The following LRRN1 variants were observed in gnomAD, a reference collection of about 807,000 sequenced individuals.
LRRN1 encodes leucine rich repeat neuronal 1.
LRRN1 carries 14 observed loss-of-function variants against 45.8 expected under a neutral mutation model. The observed-to-expected ratio is 0.31, with a 90% CI of 0.20 to 0.48. The LOEUF (loss-of-function observed/expected upper bound fraction) is 0.48, where lower values mean the gene tolerates loss of function less well. Ranked by LOEUF, LRRN1 falls within the 20% of genes least tolerant of loss-of-function variation. The pLI is 0.99. For synonymous variants in LRRN1, 359 were observed against 330.1 expected, an observed-to-expected ratio of 1.09 and a Z score of -0.95; for missense variants, 789 against 874.2, an observed-to-expected ratio of 0.90 and a Z score of 1.23.
chr3:3,814,353 C>T (rs925345938), intron 1 of LRRN1, among the ~76,000 whole-genome samples: 7 of 151,680 alleles, frequency 4.6e-5, no homozygotes, highest in African/African-American at 1.7e-4. Context: ...GTACCCCTTT[C>T]CACTTTGCTG....
At position 3,845,318 on chromosome 3, in the gene LRRN1, A is replaced by T. The variant is rs768614918; in HGVS notation, c.677A>T (p.Tyr226Phe). 5 of 1,614,128 alleles carry T rather than the reference A, an allele frequency of 3.1e-6. No individual in the cohort carries two copies. In the South Asian group the frequency reaches 4.4e-5, roughly 14 times the overall value. Reference sequence around the variant, plus strand: ...AGAAGCTTAGTTTTGGCAGGAATGTATCTCACTGATATTCCTGGAAATGCT... The same window carrying T: ...AGAAGCTTAGTTTTGGCAGGAATGTTTCTCACTGATATTCCTGGAAATGCT... ...NLRSLVLAGM[Y>F]LTDIPGNALV... The change falls in exon 2 of 2, where the codon TAT becomes TTT. Residue 226 changes from tyrosine (Y) to phenylalanine (F), a missense_variant. Coordinates refer to ENST00000319331, the MANE Select transcript of LRRN1 (RefSeq NM_020873.7). The surrounding 1 kb of genome is among the most constrained non-coding windows in gnomAD (Gnocchi z 6.5).
At chr3:3,829,196 C>T (rs115616681) in intron 1 of LRRN1, among the ~76,000 whole-genome samples, 2,232 of 152,122 alleles carry the variant, frequency 0.015, 54 homozygotes, top group African/African-American at 0.05. Context: ...TAGACTGATT[C>T]CATTTTGATA....
intron 1 of LRRN1, chr3:3,801,272 A>G (rs1692647085): frequency 6.6e-6 from 1 of 152,218 alleles, no homozygotes; most frequent in African/African-American, 2.4e-5. Context: ...CCCAAACCTA[A>G]ATCGTAAAGG....
intron 1 of LRRN1, among the ~76,000 whole-genome samples, chr3:3,837,823 C>G (rs1693556659): frequency 6.6e-6 from 1 of 151,834 alleles, no homozygotes; most frequent in African/African-American, 2.4e-5. Context: ...CACCTATCAA[C>G]CCATCACCTA....
intron 1 of LRRN1, among the ~76,000 whole-genome samples, chr3:3,807,095 C>G (rs1326636244): frequency 6.6e-6 from 1 of 152,170 alleles, no homozygotes; most frequent in African/African-American, 2.4e-5. Flanking sequence ...CAAGGACCTA[C>G]GATGCATCGG....
chr3:3,829,950 G>T (rs1185486595), intron 1 of LRRN1, among the ~76,000 whole-genome samples: 1 of 152,178 alleles, frequency 6.6e-6, no homozygotes, highest in Admixed American at 6.5e-5. Context: ...GCTTTATCGA[G>T]GGCTCAGTGT....
At chr3:3,809,983 T>C (rs891045663) in intron 1 of LRRN1, among the ~76,000 whole-genome samples, 2 of 152,200 alleles carry the variant, frequency 1.3e-5, no homozygotes, top group African/African-American at 4.8e-5. Context: ...ACTAGATATT[T>C]TATGAAGTCC....
At chr3:3,835,661 C>T (rs1300396584) in intron 1 of LRRN1, among the ~76,000 whole-genome samples, 2 of 150,134 alleles carry the variant, frequency 1.3e-5, no homozygotes, top group African/African-American at 4.9e-5. Context: ...TTCTTTTTGC[C>T]CAACTTCATA....
chr3:3,836,830 C>T (rs182165248), intron 1 of LRRN1, among the ~76,000 whole-genome samples: 41 of 152,168 alleles, frequency 2.7e-4, no homozygotes, highest in East Asian at 1.9e-4. Flanking sequence ...TTGCTGGTAC[C>T]ACATAAGAAG....
intron 1 of LRRN1, among the ~76,000 whole-genome samples, chr3:3,813,171 C>T (rs1410686980): frequency 6.6e-6 from 1 of 152,214 alleles, no homozygotes; most frequent in African/African-American, 2.4e-5. Flanking sequence ...CTGCTGTTCG[C>T]ATGAACAGAG....
In LRRN1 at chr3:3,847,745, A is replaced by G. The variant is rs897219412; in HGVS notation, c.*953A>G. 1 of 166,630 alleles carries G rather than the reference A, an allele frequency of 6.0e-6. No individual in the cohort carries two copies. The highest frequency in any genetic ancestry group is 1.5e-5 in the Non-Finnish European group (1 of 68,100). The allele number at this position is 166,630 out of a possible 1,614,324, so 10.3% of individuals were successfully genotyped here. On this transcript the variant is annotated 3_prime_UTR_variant, in exon 2 of 2. Transcript: ENST00000319331. ...TTGCTTTTTAAAGCTAGGCCCTAAA[A>G]GGTTTTAATTCTTTTTCTAAGGGAA...
intron 1 of LRRN1, among the ~76,000 whole-genome samples, chr3:3,807,580 G>T (rs1247509780): frequency 6.6e-6 from 1 of 152,074 alleles, no homozygotes; most frequent in Non-Finnish European, 1.5e-5. Flanking sequence ...CTTATTTCTG[G>T]TTTCTCTGGG....
intron 1 of LRRN1, among the ~76,000 whole-genome samples, chr3:3,811,627 A>G (rs1391312146): frequency 6.6e-6 from 1 of 152,256 alleles, no homozygotes; most frequent in Non-Finnish European, 1.5e-5. Flanking sequence ...TTACTGCTTT[A>G]GAGAGCTTAT....
intron 1 of LRRN1, among the ~76,000 whole-genome samples, chr3:3,843,764 G>T (rs1304699816): frequency 6.6e-6 from 1 of 152,154 alleles, no homozygotes; most frequent in African/African-American, 2.4e-5. Flanking sequence ...AGGAATAACT[G>T]AGCTAGAAAA....
At position 3,848,932 on chromosome 3, in the gene LRRN1, G is replaced by A. The variant is rs150617100; in HGVS notation, c.*2140G>A. Among the ~76,000 whole-genome samples the A allele has an allele frequency of 2.6e-5, 4 of 152,286 alleles. No individual in the cohort carries two copies. In the East Asian group the frequency reaches 5.8e-4, roughly 22 times the overall value. ...CATTTTAGCACAGGGCAGATCAGACGGTGTCTCTACTGTTAGTATTGCAAA... is the reference window on the plus strand; with the variant it reads ...CATTTTAGCACAGGGCAGATCAGACAGTGTCTCTACTGTTAGTATTGCAAA... On this transcript the variant is annotated 3_prime_UTR_variant, in exon 2 of 2. Transcript: ENST00000319331.
At chr3:3,811,452 G>A (rs373788442) in intron 1 of LRRN1, among the ~76,000 whole-genome samples, 10 of 152,288 alleles carry the variant, frequency 6.6e-5, no homozygotes, top group Admixed American at 2.6e-4. Flanking sequence ...AATGTACTTA[G>A]CAAATATTCA....
At chr3:3,840,280 T>C (rs542100748) in intron 1 of LRRN1, among the ~76,000 whole-genome samples, 1 of 152,348 alleles carries the variant, frequency 6.6e-6, no homozygotes, top group Admixed American at 6.5e-5. Flanking sequence ...ATTATACTGA[T>C]AGTTTTTCAC....
chr3:3,827,852 T>G (rs747448440), intron 1 of LRRN1, among the ~76,000 whole-genome samples: 1 of 152,174 alleles, frequency 6.6e-6, no homozygotes, highest in East Asian at 1.9e-4. Context: ...GGTTTCAATT[T>G]AGCTTTAATA....
At chr3:3,815,867 A>G (rs901440022) in intron 1 of LRRN1, among the ~76,000 whole-genome samples, 2 of 151,212 alleles carry the variant, frequency 1.3e-5, no homozygotes, top group Non-Finnish European at 1.5e-5. Context: ...TTGCACTGCA[A>G]TTTACTCTAA....
Sources: gnomAD v4.1 joint callset for allele counts (sites outside exome capture counted in the v4.1 genomes callset) on GRCh38, gnomAD v4.1.1 for gene constraint, Gnocchi (gnomAD v3.1) non-coding constraint, MANE v1.5 for transcripts, NCBI Gene and HGNC (gene_info 2026-07-23, HGNC 2026-07-21) for gene names.